The following SH3BGRL2 variants were observed in gnomAD, a reference collection of about 807,000 sequenced individuals.
SH3BGRL2 encodes SH3 domain binding glutamate rich protein like 2, also known as SH3 domain-binding glutamic acid-rich-like protein 2.
SH3BGRL2 carries 21 observed loss-of-function variants against 14.8 expected under a neutral mutation model. The ratio of observed to expected loss-of-function variants is 1.42; its 90% CI spans 1.01 to 2.05. The LOEUF (loss-of-function observed/expected upper bound fraction) is 2.05, where lower values mean the gene tolerates loss of function less well. Among genes scored for constraint, SH3BGRL2 ranks in the 30% most tolerant of loss-of-function variants. The pLI, the probability that SH3BGRL2 is intolerant of heterozygous loss-of-function variation, is 0.00. For synonymous variants in SH3BGRL2, 50 were observed against 47.8 expected (o/e 1.05, Z -0.19); for missense variants, 147 against 130.8 (o/e 1.12, Z -0.61).
the SH3BGRL2 span, among the ~76,000 whole-genome samples, chr6:79,603,265 T>G: frequency 6.6e-6 from 1 of 152,188 alleles, no homozygotes; most frequent in Non-Finnish European, 1.5e-5. Flanking sequence ...AGGAGAAGCT[T>G]TCTAAGATGC....
chr6:79,663,700 A>G (rs956050863), intron 1 of SH3BGRL2, among the ~76,000 whole-genome samples: 1 of 152,202 alleles, frequency 6.6e-6, no homozygotes, highest in Non-Finnish European at 1.5e-5. Flanking sequence ...CTCTCTTCAG[A>G]GCTGTCAGAC....
At chr6:79,583,926 A>G in the SH3BGRL2 span, among the ~76,000 whole-genome samples, 1 of 152,180 alleles carries the variant, frequency 6.6e-6, no homozygotes, top group East Asian at 1.9e-4. Context: ...GCTGGTCTTC[A>G]TTTCTAATAA....
chr6:79,686,275 T>G (rs1405136232), intron 2 of SH3BGRL2, among the ~76,000 whole-genome samples: 1 of 152,216 alleles, frequency 6.6e-6, no homozygotes, highest in African/African-American at 2.4e-5. Context: ...AACTAGTGTC[T>G]TTTTTCACTT....
the SH3BGRL2 span, among the ~76,000 whole-genome samples, chr6:79,615,849 T>TTTTC: frequency 6.9e-6 from 1 of 144,942 alleles, no homozygotes; most frequent in East Asian, 2.2e-4. Flanking sequence ...TTTTTTTTTT[T>TTTTC]AGACAAGAGT....
At chr6:79,684,089 G>T (rs72905789) in intron 2 of SH3BGRL2, among the ~76,000 whole-genome samples, 14,074 of 152,202 alleles carry the variant, frequency 0.092, 863 homozygotes, top group Non-Finnish European at 0.14. Flanking sequence ...CTATTTCGAA[G>T]ATATGGATGC....
chr6:79,590,426 TATATATATATATA>T, the SH3BGRL2 span, among the ~76,000 whole-genome samples: 11 of 55,890 alleles, frequency 2.0e-4, no homozygotes, highest in Middle Eastern at 0.011. Flanking sequence ...GAAAATGTGA[TATATATATATATA>T]TATATATATA....
chr6:79,599,407 C>A, the SH3BGRL2 span, among the ~76,000 whole-genome samples: 144 of 148,190 alleles, frequency 9.7e-4, no homozygotes, highest in African/African-American at 3.3e-3. Context: ...ATCTCACTCT[C>A]GTCACCCAGG....
the SH3BGRL2 span, among the ~76,000 whole-genome samples, chr6:79,547,302 G>A: frequency 2.6e-5 from 4 of 152,032 alleles, no homozygotes; most frequent in African/African-American, 7.2e-5. Context: ...GGAGCTGCTG[G>A]GTAGTAAAGA....
chr6:79,692,827 C>G (rs1361377794), intron 2 of SH3BGRL2, among the ~76,000 whole-genome samples: 1 of 152,136 alleles, frequency 6.6e-6, no homozygotes, highest in Non-Finnish European at 1.5e-5. Context: ...TTAGGATTGA[C>G]TTGGCGATGC....
chr6:79,613,451 T>C, the SH3BGRL2 span, among the ~76,000 whole-genome samples: 4 of 152,176 alleles, frequency 2.6e-5, no homozygotes, highest in Non-Finnish European at 5.9e-5. Flanking sequence ...CTGGGTACAT[T>C]TTAGGGAAAT....
At chr6:79,598,478 CTT>C in the SH3BGRL2 span, among the ~76,000 whole-genome samples, 1 of 152,146 alleles carries the variant, frequency 6.6e-6, no homozygotes, top group African/African-American at 2.4e-5. Flanking sequence ...ACCTTAAAAA[CTT>C]TATGGTAAGT....
At chr6:79,588,305 A>C in the SH3BGRL2 span, among the ~76,000 whole-genome samples, 1 of 150,906 alleles carries the variant, frequency 6.6e-6, no homozygotes, top group African/African-American at 2.4e-5. Flanking sequence ...AAAAAAAAAA[A>C]AACTGGGCTA....
chr6:79,566,759 T>A, the SH3BGRL2 span, among the ~76,000 whole-genome samples: 1 of 151,826 alleles, frequency 6.6e-6, no homozygotes, highest in African/African-American at 2.4e-5. Flanking sequence ...CTACAAAAAA[T>A]TTAAAAACTA....
At chr6:79,656,287 G>A (rs918713399) in intron 1 of SH3BGRL2, among the ~76,000 whole-genome samples, 3 of 152,208 alleles carry the variant, frequency 2.0e-5, no homozygotes, top group African/African-American at 7.2e-5. Flanking sequence ...GCATCATCAA[G>A]GTGAGTCAAT....
intron 3 of SH3BGRL2, among the ~76,000 whole-genome samples, chr6:79,698,258 C>A (rs1770373536): frequency 6.6e-6 from 1 of 152,190 alleles, no homozygotes; most frequent in Admixed American, 6.5e-5. Context: ...CTAATAGTAA[C>A]TCATACTTCA....
chr6:79,696,485 G>T lies in SH3BGRL2; in HGVS notation c.232G>T (p.Asp78Tyr). The T allele has an allele frequency of 6.4e-7, 1 of 1,573,052 alleles. No homozygotes were observed. Among genetic ancestry groups the T allele is most frequent in the Non-Finnish European group, 8.6e-7 (1 of 1,167,274 alleles). Residue 78 changes from aspartate to tyrosine, a missense_variant and splice_region_variant, in exon 3 of 4, where the codon GAT becomes TAT. Asp to Tyr is a radical substitution (Grantham distance 160). Coordinates refer to ENST00000369838, the MANE Select transcript of SH3BGRL2 (RefSeq NM_031469.4). ...ATTTTCTGCTTCCCTTTTTTTCTAGGATTATGACAGTTTTTTTGAATCCAA... is the reference window on the plus strand; with the variant it reads ...ATTTTCTGCTTCCCTTTTTTTCTAGTATTATGACAGTTTTTTTGAATCCAA... ...QIFNGDRYCG[D>Y]YDSFFESKES...
At chr6:79,641,073 C>T (rs1429176460) in intron 1 of SH3BGRL2, among the ~76,000 whole-genome samples, 2 of 151,974 alleles carry the variant, frequency 1.3e-5, no homozygotes, top group African/African-American at 4.8e-5. Flanking sequence ...CTGCATGTTC[C>T]ACAAGACGTG....
chr6:79,662,398 C>T (rs1480915690), intron 1 of SH3BGRL2, among the ~76,000 whole-genome samples: 4 of 152,140 alleles, frequency 2.6e-5, no homozygotes, highest in African/African-American at 9.7e-5. Context: ...TTCTCCTTCA[C>T]TTATGAAGCT....
At chr6:79,671,730 C>G (rs930635324) in intron 1 of SH3BGRL2, among the ~76,000 whole-genome samples, 46 of 152,170 alleles carry the variant, frequency 3.0e-4, no homozygotes, top group African/African-American at 1.1e-3. Context: ...ACCTGGGCCC[C>G]GCCCAGTAGG....
Sources: allele counts gnomAD v4.1 joint callset (sites outside exome capture counted in the v4.1 genomes callset), GRCh38; gene constraint gnomAD v4.1.1; transcripts MANE v1.5; gene names NCBI Gene and HGNC (gene_info 2026-07-23, HGNC 2026-07-21).